PUS10: variants seen among roughly 807,000 people sequenced by gnomAD.
The protein encoded by PUS10 is tRNA pseudouridine synthase Pus10.
In PUS10, 59 loss-of-function variants were observed where a neutral mutation model predicts 75.0. That is an observed-to-expected ratio of 0.79 (90% confidence interval 0.64 to 0.98). PUS10 has a LOEUF of 0.98. Ranked by LOEUF, PUS10 falls within the 50% of genes least tolerant of loss-of-function variation. The probability of loss-of-function intolerance (pLI) is 0.00; values close to 1 mark genes in which losing one functional copy is unlikely to be tolerated. For synonymous variants in PUS10, 219 were observed against 211.6 expected, an observed-to-expected ratio of 1.03 and a Z score of -0.30; for missense variants, 650 against 614.4, an observed-to-expected ratio of 1.06 and a Z score of -0.61.
chr2:60,994,181 T>C (rs143742064), intron 4 of PUS10, among the ~76,000 whole-genome samples: 2 of 151,906 alleles, frequency 1.3e-5, no homozygotes, highest in East Asian at 1.9e-4. Flanking sequence ...GTACTATTCC[T>C]TAAGAAAGAG....
chr2:61,018,248 A>G lies in PUS10; in HGVS notation c.-256T>C, dbSNP rs141828818. ...CCAGCCACGGCATCGACAGGGAGCA[A>G]AGTCTCTCCTTAAAGGTGTTAACCT... On this transcript the variant is annotated 5_prime_UTR_variant, in exon 1 of 18. Transcript: ENST00000316752. The G allele has an allele frequency of 4.0e-4, 618 of 1,551,128 alleles. 2 individuals are homozygous for G. The African/African-American group carries it at 7.7e-3, about 19-fold the overall frequency.
At chr2:61,016,371 G>A (rs1351211772) in intron 1 of PUS10, among the ~76,000 whole-genome samples, 2 of 152,158 alleles carry the variant, frequency 1.3e-5, no homozygotes, top group Non-Finnish European at 2.9e-5. Context: ...AACATTAAAA[G>A]GAGAAAATAC....
At chr2:61,000,421 A>C (rs1678776055) in intron 4 of PUS10, among the ~76,000 whole-genome samples, 1 of 152,210 alleles carries the variant, frequency 6.6e-6, no homozygotes, top group African/African-American at 2.4e-5. Flanking sequence ...AGTGGTTTAA[A>C]ACAACACCAA....
At chr2:60,952,334 C>CAA (rs78551218) in intron 15 of PUS10, among the ~76,000 whole-genome samples, 3 of 100,448 alleles carry the variant, frequency 3.0e-5, no homozygotes, top group Admixed American at 1.1e-4. Context: ...GACTCTGTCT[C>CAA]AAAAAAAAAA....
chr2:60,945,163 A>G (rs1674865376), intron 16 of PUS10, 55 bp from the exon 17 acceptor site: 1 of 1,090,522 alleles, frequency 9.2e-7, no homozygotes, highest in African/African-American at 1.5e-5. Flanking sequence ...ACTATTTGGT[A>G]AGATTTGACA....
chr2:61,008,891 C>G lies in PUS10; in HGVS notation c.251G>C (p.Ser84Thr). ...QELEDSIDNLSQNGEGRISVS... is the reference protein window; with the variant it reads ...QELEDSIDNLTQNGEGRISVS... Reference sequence around the variant, plus strand: ...AGAGATCCTTCCCTCTCCATTTTGACTTAGATTATCAATACTATCTTCCAG... The same window carrying G: ...AGAGATCCTTCCCTCTCCATTTTGAGTTAGATTATCAATACTATCTTCCAG... Residue 84 changes from serine (S) to threonine (T), a missense_variant, in exon 3 of 18, where the codon AGT (serine) becomes ACT (threonine). Transcript: ENST00000316752. The G allele has an allele frequency of 1.2e-6, 2 of 1,613,914 alleles. No individual in the cohort carries two copies. Among genetic ancestry groups the G allele is most frequent in the Non-Finnish European group, 1.7e-6 (2 of 1,179,938 alleles).
intron 14 of PUS10, among the ~76,000 whole-genome samples, chr2:60,953,445 G>C (rs777910260): frequency 1.3e-5 from 2 of 152,128 alleles, no homozygotes; most frequent in East Asian, 3.9e-4. Context: ...CATACAGTAC[G>C]TGGTGCTTGG....
At chr2:61,017,024 C>G (rs994076822) in intron 1 of PUS10, 1 of 152,310 alleles carries the variant, frequency 6.6e-6, no homozygotes, top group African/African-American at 2.4e-5. Flanking sequence ...CCCCTTCGGT[C>G]AGGTGCAACA....
At chr2:60,971,692 C>G in intron 4 of PUS10, 135 bp from the exon 5 acceptor site, 1 of 778,862 alleles carries the variant, frequency 1.3e-6, no homozygotes, top group Non-Finnish European at 2.2e-6. Context: ...AGTTAGTATT[C>G]AAAAATTTAC....
rs909769056 is a variant in PUS10, at chr2:60,977,080, T to C, written c.469-5523A>G. On this transcript the variant is annotated intron_variant, in intron 4 of 17. Coordinates refer to ENST00000316752, the MANE Select transcript of PUS10 (RefSeq NM_144709.4). ...ATGGGGCAGTTGAATAAGTGCTTGCTAAAGTGCTTGTGTACTCTGCTAACA... is the reference window on the plus strand; with the variant it reads ...ATGGGGCAGTTGAATAAGTGCTTGCCAAAGTGCTTGTGTACTCTGCTAACA... 4.6e-5 allele frequency among the ~76,000 whole-genome samples: 7 copies of C among 152,308 alleles called. No individual in the cohort carries two copies. In the Middle Eastern group the frequency reaches 0.01, roughly 222 times the overall value.
At chr2:60,976,706 T>G (rs1677051348) in intron 4 of PUS10, among the ~76,000 whole-genome samples, 1 of 152,234 alleles carries the variant, frequency 6.6e-6, no homozygotes. Flanking sequence ...CAGCAGGGGC[T>G]TAAAGGCTGA....
chr2:61,011,847 A>G lies in PUS10; in HGVS notation c.44T>C (p.Leu15Ser), dbSNP rs758176751. ...TEENKHVAQL[L>S]LNTGTCPRCI... ...TCTTGGACAAGTACCAGTATTGAGC[A>G]ACAACTGGGCCACATGCTTGTTTTC... Residue 15 changes from leucine (L) to serine (S), a missense_variant, in exon 2 of 18, where the codon TTG becomes TCG. By Grantham distance (145) the Leu-to-Ser change is moderately radical (BLOSUM62 -2). Transcript: ENST00000316752. 3.7e-6 allele frequency: 6 copies of G among 1,609,448 alleles called. No homozygotes were observed. The African/African-American group carries it at 8.0e-5, about 22-fold the overall frequency.
chr2:60,974,791 G>T (rs1436172902), intron 4 of PUS10, among the ~76,000 whole-genome samples: 2 of 152,242 alleles, frequency 1.3e-5, no homozygotes, highest in East Asian at 3.9e-4. Context: ...TGTGTGCGAT[G>T]GCTGGACCCC....
chr2:61,013,511 CTGTTA>C (rs1314255891), intron 1 of PUS10, among the ~76,000 whole-genome samples: 1 of 152,142 alleles, frequency 6.6e-6, no homozygotes, highest in Non-Finnish European at 1.5e-5. Flanking sequence ...ACAATTTCCC[CTGTTA>C]TCATTATGTC....
intron 4 of PUS10, 23 bp from the exon 5 acceptor site, chr2:60,971,580 C>CT: frequency 1.2e-6 from 2 of 1,611,342 alleles, no homozygotes; most frequent in Non-Finnish European, 1.7e-6. Flanking sequence ...TAGTCACACC[C>CT]AGAAAGAGAA....
In PUS10 at chr2:60,954,086, T is replaced by C; in HGVS notation, c.1130A>G (p.Gln377Arg). 6.2e-7 allele frequency: 1 copy of C among 1,614,116 alleles called. No individual in the cohort carries two copies. The highest frequency in any genetic ancestry group is 8.5e-7 in the Non-Finnish European group (1 of 1,179,912). Residue 377 changes from glutamine to arginine, a missense_variant, in exon 13 of 18, where the codon CAG becomes CGG. Physicochemically the swap from Gln to Arg is conservative, Grantham distance 43. Coordinates refer to ENST00000316752, the MANE Select transcript of PUS10 (RefSeq NM_144709.4). ...HFTSQEIKEL[Q>R]QKINNSSNKI... The stretch of plus-strand genomic sequence containing the variant: ...CCATGGCATGAAGTGGTTTACCTGC[T>C]GAAGTTCCTTAATTTCTTGTGAAGT...
At chr2:60,960,596 A>C in intron 10 of PUS10, 79 bp from the exon 11 acceptor site, 1 of 1,322,146 alleles carries the variant, frequency 7.6e-7, no homozygotes, top group Non-Finnish European at 1.0e-6. Flanking sequence ...CAACAACTAT[A>C]AGGGCCAATA....
At chr2:60,961,232 G>A (rs764722006) in intron 10 of PUS10, among the ~76,000 whole-genome samples, 7 of 152,114 alleles carry the variant, frequency 4.6e-5, no homozygotes, top group African/African-American at 7.2e-5. Context: ...TAAAACCTAG[G>A]AAGTGTCATT....
chr2:60,959,599 G>A (rs559364741), intron 11 of PUS10, among the ~76,000 whole-genome samples: 7 of 152,172 alleles, frequency 4.6e-5, no homozygotes, highest in Admixed American at 4.6e-4. Context: ...ATGTTGCCCA[G>A]GCTGGTCTTG....
Sources: gnomAD v4.1 joint callset for allele counts (sites outside exome capture counted in the v4.1 genomes callset) on GRCh38, gnomAD v4.1.1 for gene constraint, MANE v1.5 for transcripts, NCBI Gene and HGNC (gene_info 2026-07-23, HGNC 2026-07-21) for gene names.